TMPRSS11D: variants seen among roughly 807,000 people sequenced by gnomAD.
The protein encoded by TMPRSS11D is transmembrane protease serine 11D.
A neutral mutation model predicts 44.4 loss-of-function variants in TMPRSS11D; 32 were observed. The ratio of observed to expected loss-of-function variants is 0.72; its 90% CI spans 0.54 to 0.97. The LOEUF (loss-of-function observed/expected upper bound fraction) is 0.97, where lower values mean the gene tolerates loss of function less well. TMPRSS11D is among the 50% of genes least tolerant of loss of function. The pLI, the probability that TMPRSS11D is intolerant of heterozygous loss-of-function variation, is 0.00. For synonymous variants in TMPRSS11D, 179 were observed against 177.9 expected (o/e 1.01, Z -0.05); for missense variants, 446 against 502.6 (o/e 0.89, Z 1.08).
At chr4:67,835,007 A>G (rs1718041352) in intron 6 of TMPRSS11D, 76 bp downstream of exon 6, 2 of 1,389,258 alleles carry the variant, frequency 1.4e-6, no homozygotes, top group Non-Finnish European at 2.0e-6. Flanking sequence ...GCCTTGGCCA[A>G]AAGTACACAA....
intron 1 of TMPRSS11D, 105 bp from the exon 2 acceptor site, chr4:67,859,783 C>T: frequency 6.9e-7 from 1 of 1,441,380 alleles, no homozygotes; most frequent in Non-Finnish European, 9.5e-7. Flanking sequence ...TTATCTGGGA[C>T]ATGGCTCTAG....
intron 1 of TMPRSS11D, among the ~76,000 whole-genome samples, chr4:67,883,346 G>A (rs774266133): frequency 1.6e-4 from 25 of 151,952 alleles, no homozygotes; most frequent in Non-Finnish European, 2.9e-4. Context: ...TTATGTGAAA[G>A]TATAGGAAAA....
Position 67,874,910 on chromosome 4 carries a change from A to G in TMPRSS11D, c.8+9016T>C, listed in dbSNP as rs560603080. ...TATCTACTAAATCATAATTGTTCTC[A>G]TAGAAAAAAAAGGTGACTTTTAGTG... On this transcript the variant is annotated intron_variant, in intron 1 of 9. Coordinates refer to ENST00000283916, the MANE Select transcript of TMPRSS11D (RefSeq NM_004262.3). Among the ~76,000 whole-genome samples the G allele has an allele frequency of 2.6e-5, 4 of 152,308 alleles. No individual in the cohort carries two copies. In the South Asian group the frequency reaches 8.3e-4, roughly 32 times the overall value.
intron 7 of TMPRSS11D, among the ~76,000 whole-genome samples, chr4:67,828,988 C>T (rs1335649580): frequency 6.6e-6 from 1 of 152,058 alleles, no homozygotes; most frequent in African/African-American, 2.4e-5. Context: ...GAGTTCTTCT[C>T]CATCACAACC....
At chr4:67,861,695 C>T (rs959428153) in intron 1 of TMPRSS11D, among the ~76,000 whole-genome samples, 6 of 152,108 alleles carry the variant, frequency 3.9e-5, no homozygotes, top group Admixed American at 6.6e-5. Context: ...ATTTTGCTTT[C>T]AGTTCACGAA....
chr4:67,823,886 T>C (rs1244688659), intron 9 of TMPRSS11D, among the ~76,000 whole-genome samples: 1 of 152,120 alleles, frequency 6.6e-6, no homozygotes. Context: ...GGCAAGCAAA[T>C]GTTAAAGCAA....
chr4:67,866,401 G>A (rs537827241), intron 1 of TMPRSS11D, among the ~76,000 whole-genome samples: 5 of 152,036 alleles, frequency 3.3e-5, no homozygotes, highest in East Asian at 1.9e-4. Context: ...ACTGTACAGG[G>A]AAAAGTTGAA....
At chr4:67,826,342 A>G (rs1164555129) in intron 8 of TMPRSS11D, among the ~76,000 whole-genome samples, 4 of 152,048 alleles carry the variant, frequency 2.6e-5, no homozygotes, top group Non-Finnish European at 5.9e-5. Context: ...TACTACACCA[A>G]TTTACTTTGG....
At chr4:67,866,099 C>T (rs893190992) in intron 1 of TMPRSS11D, among the ~76,000 whole-genome samples, 6 of 151,834 alleles carry the variant, frequency 4.0e-5, no homozygotes, top group South Asian at 2.1e-4. Flanking sequence ...AAATCCTCAA[C>T]AAAATACTAG....
At chr4:67,856,273 G>A (rs1718632631) in intron 2 of TMPRSS11D, among the ~76,000 whole-genome samples, 3 of 152,088 alleles carry the variant, frequency 2.0e-5, no homozygotes, top group African/African-American at 7.2e-5. Flanking sequence ...AATGGTATTG[G>A]TATAAAAACA....
intron 2 of TMPRSS11D, among the ~76,000 whole-genome samples, chr4:67,857,303 AT>A (rs1324033458): frequency 2.2e-3 from 2 of 916 alleles, no homozygotes; most frequent in East Asian, 0.056. Flanking sequence ...ATATATATAT[AT>A]ATATATATAT....
chr4:67,880,417 G>T (rs1435324110), intron 1 of TMPRSS11D, among the ~76,000 whole-genome samples: 1 of 152,130 alleles, frequency 6.6e-6, no homozygotes, highest in African/African-American at 2.4e-5. Context: ...AGCTGGACAG[G>T]AGATATGGGT....
chr4:67,830,301 G>T (rs1293980045), intron 7 of TMPRSS11D, among the ~76,000 whole-genome samples: 1 of 151,988 alleles, frequency 6.6e-6, no homozygotes, highest in Non-Finnish European at 1.5e-5. Flanking sequence ...AAGGAGGGCA[G>T]TGAAAGTGAA....
At chr4:67,844,881 T>C (rs1389495791) in intron 3 of TMPRSS11D, among the ~76,000 whole-genome samples, 1 of 152,200 alleles carries the variant, frequency 6.6e-6, no homozygotes, top group Non-Finnish European at 1.5e-5. Context: ...GTAATCTACT[T>C]AGAAGCATGA....
chr4:67,870,138 A>C (rs57128714), intron 1 of TMPRSS11D, among the ~76,000 whole-genome samples: 8,186 of 152,232 alleles, frequency 0.054, 696 homozygotes, highest in African/African-American at 0.18. Flanking sequence ...AGAATATTTA[A>C]AGTAAAATTT....
At chr4:67,842,424 G>C (rs1718253859) in intron 4 of TMPRSS11D, 134 bp downstream of exon 4, 3 of 823,660 alleles carry the variant, frequency 3.6e-6, no homozygotes, top group Admixed American at 2.7e-5. Context: ...TGGTTTTTAA[G>C]CTGACTAAAA....
intron 5 of TMPRSS11D, among the ~76,000 whole-genome samples, chr4:67,837,795 G>A (rs542697347): frequency 2.8e-5 from 4 of 141,982 alleles, no homozygotes; most frequent in Admixed American, 7.0e-5. Flanking sequence ...TGTGATAAAT[G>A]TTACAAAGAA....
intron 1 of TMPRSS11D, among the ~76,000 whole-genome samples, chr4:67,875,278 G>T (rs1719158866): frequency 1.3e-5 from 2 of 152,186 alleles, no homozygotes; most frequent in Admixed American, 1.3e-4. Context: ...GGTGAAAGGG[G>T]AAAGCTGTTG....
Position 67,854,073 on chromosome 4 carries a change from A to G in TMPRSS11D, c.244T>C (p.Ser82Pro). ...EYRTLSGRIE[S>P]LITKTFKESN... ...AAAGACAAATATTAACTTACCAGAG[A>G]TTCAATTCTTCCACTCAAAGTCCTG... is the stretch of plus-strand genomic sequence containing the variant. The change falls in exon 3 of 10, where the codon TCT (serine) becomes CCT (proline). Residue 82 changes from serine to proline, a missense_variant. Ser to Pro is a moderately conservative substitution (Grantham distance 74). Transcript: ENST00000283916. 1.3e-6 allele frequency: 2 copies of G among 1,513,514 alleles called. No individual in the cohort carries two copies. Among genetic ancestry groups the G allele is most frequent in the Non-Finnish European group, 1.8e-6 (2 of 1,113,062 alleles). The allele number at this position is 1,513,514 out of a possible 1,614,324, so 93.8% of individuals were successfully genotyped here. A position where few individuals can be genotyped will look rare whatever the true frequency, so the allele number is the denominator to read the frequency against.
Sources: allele counts gnomAD v4.1 joint callset (sites outside exome capture counted in the v4.1 genomes callset), GRCh38; gene constraint gnomAD v4.1.1; transcripts MANE v1.5; gene names NCBI Gene and HGNC (gene_info 2026-07-23, HGNC 2026-07-21).